Variants in PTPRT observed in about 807,000 individuals in gnomAD.
PTPRT encodes the protein receptor-type tyrosine-protein phosphatase T.
PTPRT carries 56 observed loss-of-function variants against 176.8 expected under a neutral mutation model. The observed-to-expected ratio is 0.32, with a 90% CI of 0.26 to 0.40. The LOEUF (loss-of-function observed/expected upper bound fraction) is 0.40. PTPRT is among the 10% of genes least tolerant of loss of function. The pLI is 1.00. For missense variants in PTPRT, 1,540 were observed against 1,908.2 expected, an observed-to-expected ratio of 0.81 and a Z score of 3.60; for synonymous variants, 783 against 739.0, an observed-to-expected ratio of 1.06 and a Z score of -0.96.
chr20:42,703,954 C>A (rs1214529685), intron 6 of PTPRT, among the ~76,000 whole-genome samples: 2 of 152,124 alleles, frequency 1.3e-5, no homozygotes, highest in Non-Finnish European at 2.9e-5. Flanking sequence ...CCCTATTGGA[C>A]CTAAACAATC....
chr20:42,141,107 C>A (rs1198389129), intron 18 of PTPRT, among the ~76,000 whole-genome samples: 1 of 152,148 alleles, frequency 6.6e-6, no homozygotes, highest in African/African-American at 2.4e-5. Context: ...CATTGTTGAG[C>A]AAAGGCAATG....
At chr20:42,917,678 G>A (rs985727206) in intron 1 of PTPRT, among the ~76,000 whole-genome samples, 2 of 152,144 alleles carry the variant, frequency 1.3e-5, no homozygotes, top group African/African-American at 4.8e-5. Flanking sequence ...ACCTAGAACA[G>A]AAGGGAACTC....
chr20:43,139,791 C>A (rs2013946359), intron 1 of PTPRT, among the ~76,000 whole-genome samples: 1 of 152,172 alleles, frequency 6.6e-6, no homozygotes, highest in Non-Finnish European at 1.5e-5. Context: ...CCACGTGGGG[C>A]CCTTTCTCCT....
At chr20:42,924,642 C>A (rs1979368099) in intron 1 of PTPRT, among the ~76,000 whole-genome samples, 1 of 152,206 alleles carries the variant, frequency 6.6e-6, no homozygotes, top group African/African-American at 2.4e-5. Flanking sequence ...AATATGTGCA[C>A]AGAACATCAC....
At chr20:42,127,698 A>G (rs1266951282) in intron 19 of PTPRT, among the ~76,000 whole-genome samples, 1 of 152,144 alleles carries the variant, frequency 6.6e-6, no homozygotes, top group East Asian at 1.9e-4. Context: ...GCATGGCTTG[A>G]ATCAGTCACA....
At chr20:42,551,707 C>A (rs1055641843) in intron 7 of PTPRT, among the ~76,000 whole-genome samples, 1 of 151,960 alleles carries the variant, frequency 6.6e-6, no homozygotes, top group East Asian at 1.9e-4. Context: ...TCTGAGAAAA[C>A]CTGTGGCCTT....
chr20:42,098,396 A>G, intron 27 of PTPRT, 25 bp downstream of exon 27: 1 of 1,613,152 alleles, frequency 6.2e-7, no homozygotes, highest in Non-Finnish European at 8.5e-7. Context: ...TGACCCACCT[A>G]GGGCTTGGCT....
chr20:42,222,661 G>A (rs2055912203), intron 15 of PTPRT, among the ~76,000 whole-genome samples: 1 of 152,224 alleles, frequency 6.6e-6, no homozygotes, highest in Non-Finnish European at 1.5e-5. Flanking sequence ...GGAGGTTCCT[G>A]GATGGTGGTG....
intron 11 of PTPRT, among the ~76,000 whole-genome samples, chr20:42,337,037 A>G (rs1372646532): frequency 6.6e-6 from 1 of 152,118 alleles, no homozygotes; most frequent in African/African-American, 2.4e-5. Flanking sequence ...CCAAAACTGA[A>G]GAGTTTCTTT....
At chr20:42,050,939 G>A in the PTPRT span, among the ~76,000 whole-genome samples, 1 of 152,244 alleles carries the variant, frequency 6.6e-6, no homozygotes, top group Admixed American at 6.5e-5. Context: ...CCTCCCTATT[G>A]AGAAACATTG....
At chr20:42,406,890 A>G (rs1477963952) in intron 9 of PTPRT, among the ~76,000 whole-genome samples, 1 of 152,180 alleles carries the variant, frequency 6.6e-6, no homozygotes, top group Non-Finnish European at 1.5e-5. Context: ...ATCAATAGAC[A>G]GTGAAGTGAC....
intron 1 of PTPRT, among the ~76,000 whole-genome samples, chr20:43,146,131 G>A (rs2014159898): frequency 6.6e-6 from 1 of 151,940 alleles, no homozygotes; most frequent in South Asian, 2.1e-4. Context: ...TCTTCTTCTT[G>A]GACTTTTTTT....
chr20:42,747,049 CA>C (rs1454057267), intron 6 of PTPRT, among the ~76,000 whole-genome samples: 2 of 152,042 alleles, frequency 1.3e-5, no homozygotes, highest in Non-Finnish European at 2.9e-5. Context: ...GTAGCCAAAT[CA>C]GAGCAAAGAA....
At chr20:42,856,317 A>G (rs897579376) in intron 2 of PTPRT, among the ~76,000 whole-genome samples, 2 of 152,164 alleles carry the variant, frequency 1.3e-5, no homozygotes, top group African/African-American at 4.8e-5. Context: ...TAACACCATC[A>G]GGTAACTGCC....
At chr20:42,693,014 T>C (rs934664517) in intron 6 of PTPRT, among the ~76,000 whole-genome samples, 5 of 152,194 alleles carry the variant, frequency 3.3e-5, no homozygotes, top group African/African-American at 1.2e-4. Context: ...CATTGAGCTA[T>C]CCACATAAGG....
At chr20:42,347,097 C>G (rs2058205741) in intron 11 of PTPRT, among the ~76,000 whole-genome samples, 1 of 152,192 alleles carries the variant, frequency 6.6e-6, no homozygotes, top group Non-Finnish European at 1.5e-5. Context: ...ACAAGCCCCA[C>G]AAGCTTGGGC....
chr20:42,184,579 CTTCTTCTTCTTCT>C (rs1990676562), intron 16 of PTPRT, among the ~76,000 whole-genome samples: 2 of 139,658 alleles, frequency 1.4e-5, no homozygotes, highest in East Asian at 2.1e-4. Flanking sequence ...TCTTCTTCTT[CTTCTTCTTCTTCT>C]TCCTCTTCTT....
chr20:42,792,143 C>G (rs2077385471), intron 2 of PTPRT, among the ~76,000 whole-genome samples: 1 of 152,168 alleles, frequency 6.6e-6, no homozygotes, highest in Admixed American at 6.5e-5. Context: ...ATGGAGGACA[C>G]CTGACTTGAA....
intron 11 of PTPRT, among the ~76,000 whole-genome samples, chr20:42,338,376 G>A (rs143362512): frequency 6.6e-6 from 1 of 152,184 alleles, no homozygotes; most frequent in South Asian, 2.1e-4. Flanking sequence ...GCCAATGAGA[G>A]AACTCCTGGC....
Sources: allele counts gnomAD v4.1 joint callset (sites outside exome capture counted in the v4.1 genomes callset), GRCh38; gene constraint gnomAD v4.1.1; transcripts MANE v1.5; gene names NCBI Gene and HGNC (gene_info 2026-07-23, HGNC 2026-07-21).